PACSIN2: variants seen among roughly 807,000 people sequenced by gnomAD.
The protein encoded by PACSIN2 is protein kinase C and casein kinase substrate in neurons 2, also known as protein kinase C and casein kinase substrate in neurons protein 2.
Under a neutral mutation model 63.8 loss-of-function variants are expected in PACSIN2, and 25 were observed. That is an observed-to-expected ratio of 0.39 (90% CI 0.29 to 0.55). The LOEUF (loss-of-function observed/expected upper bound fraction) is 0.55, where lower values mean the gene tolerates loss of function less well. PACSIN2 is among the 20% of genes least tolerant of loss of function. The probability of loss-of-function intolerance (pLI) is 0.62; values close to 1 mark genes in which losing one functional copy is unlikely to be tolerated. For synonymous variants in PACSIN2, 255 were observed against 256.2 expected (o/e 1.00, Z 0.05); for missense variants, 518 against 646.9 (o/e 0.80, Z 2.16).
chr22:42,915,651 T>C (rs1931759828), intron 1 of PACSIN2, among the ~76,000 whole-genome samples: 1 of 152,222 alleles, frequency 6.6e-6, no homozygotes, highest in Non-Finnish European at 1.5e-5. Context: ...AACTTAGACA[T>C]TCTCCGAGAT....
intron 1 of PACSIN2, among the ~76,000 whole-genome samples, chr22:42,933,977 A>G (rs1318160128): frequency 1.3e-5 from 2 of 152,226 alleles, no homozygotes; most frequent in Admixed American, 1.3e-4. Context: ...ATACTCAAAT[A>G]CCAGTGAAAA....
intron 1 of PACSIN2, among the ~76,000 whole-genome samples, chr22:42,968,202 T>C (rs1340124233): frequency 2.0e-5 from 3 of 152,140 alleles, no homozygotes; most frequent in African/African-American, 4.8e-5. Flanking sequence ...CTGTGGGTGA[T>C]TGCAACGGCT....
chr22:42,950,061 C>T (rs1024097177), intron 1 of PACSIN2, among the ~76,000 whole-genome samples: 1 of 152,138 alleles, frequency 6.6e-6, no homozygotes, highest in African/African-American at 2.4e-5. Flanking sequence ...TGGATTCAAC[C>T]AGTCAGGAAT....
chr22:42,930,747 T>G (rs551564440), intron 1 of PACSIN2, among the ~76,000 whole-genome samples: 40 of 152,300 alleles, frequency 2.6e-4, no homozygotes, highest in South Asian at 1.2e-3. Context: ...ACAGTTCAAG[T>G]TCAAAAGTAA....
chr22:42,914,130 G>C (rs1931654916), intron 1 of PACSIN2, among the ~76,000 whole-genome samples: 1 of 152,248 alleles, frequency 6.6e-6, no homozygotes, highest in Admixed American at 6.5e-5. Context: ...TCCCACACTG[G>C]TTAGGGCTCT....
intron 1 of PACSIN2, among the ~76,000 whole-genome samples, chr22:42,979,291 A>C (rs1470712974): frequency 6.6e-6 from 1 of 152,226 alleles, no homozygotes. Flanking sequence ...TGGGAGGCAG[A>C]GGCAGGTGGA....
chr22:43,010,385 C>CATATATATATATATATAT (rs1253098949), intron 1 of PACSIN2, among the ~76,000 whole-genome samples: 2 of 66,064 alleles, frequency 3.0e-5, no homozygotes, highest in African/African-American at 1.2e-4. Context: ...TTTAAAAATA[C>CATATATATATATATATAT]ATATATATAT....
chr22:42,956,541 T>C (rs73886190), intron 1 of PACSIN2, among the ~76,000 whole-genome samples: 3,895 of 152,278 alleles, frequency 0.026, 164 homozygotes, highest in African/African-American at 0.09. Context: ...GTCTAATTAC[T>C]ATCTCACCAT....
intron 1 of PACSIN2, among the ~76,000 whole-genome samples, chr22:42,944,823 C>T (rs903687085): frequency 2.6e-5 from 4 of 152,280 alleles, no homozygotes; most frequent in East Asian, 3.9e-4. Context: ...TGTAGCTGGG[C>T]GCGGTGGCTC....
intron 7 of PACSIN2, among the ~76,000 whole-genome samples, 169 bp downstream of exon 7, chr22:42,882,015 A>G (rs1228363686): frequency 1.3e-5 from 2 of 152,252 alleles, no homozygotes; most frequent in Non-Finnish European, 2.9e-5. Flanking sequence ...GCAGCCCCCC[A>G]GGACTCTATG....
At chr22:43,007,219 CTT>C (rs532308992) in intron 1 of PACSIN2, among the ~76,000 whole-genome samples, 28 of 137,792 alleles carry the variant, frequency 2.0e-4, no homozygotes, top group African/African-American at 1.1e-4. Context: ...ACCTCTTGTT[CTT>C]TTTTTTTTTT....
chr22:42,897,799 G>C (rs1357296429), intron 2 of PACSIN2, among the ~76,000 whole-genome samples: 12 of 152,214 alleles, frequency 7.9e-5, no homozygotes, highest in Non-Finnish European at 1.5e-5. Context: ...TCAAGGACAG[G>C]TAGGAGGCTG....
At chr22:42,880,074 T>A (rs1292447180) in intron 7 of PACSIN2, among the ~76,000 whole-genome samples, 1 of 152,238 alleles carries the variant, frequency 6.6e-6, no homozygotes, top group Non-Finnish European at 1.5e-5. Flanking sequence ...AGGTGTTTAA[T>A]GAGCTCTCCT....
Position 43,010,492 on chromosome 22 carries a change from G to A in PACSIN2, c.-78+4529C>T, listed in dbSNP as rs762847729. Among the ~76,000 whole-genome samples, 6 of 151,432 alleles carry A rather than the reference G, an allele frequency of 4.0e-5. No homozygotes were observed. The East Asian group carries it at 7.8e-4, about 20-fold the overall frequency. ...TGGGAGGCAGAGGCGGGCAGATCAC[G>A]AAGGTCAGGAGATCAAGACCATCCT... is the stretch of plus-strand genomic sequence containing the variant. On this transcript the variant is annotated intron_variant, in intron 1 of 10. Coordinates refer to ENST00000263246, the MANE Select transcript of PACSIN2 (RefSeq NM_001184970.3).
At chr22:42,916,404 G>C (rs909046368) in intron 1 of PACSIN2, among the ~76,000 whole-genome samples, 1 of 151,018 alleles carries the variant, frequency 6.6e-6, no homozygotes, top group Non-Finnish European at 1.5e-5. Flanking sequence ...ACCTGGGGTG[G>C]GGGTGGGGAT....
chr22:42,981,526 G>A (rs1922131329), intron 1 of PACSIN2, among the ~76,000 whole-genome samples: 1 of 102,266 alleles, frequency 9.8e-6, no homozygotes, highest in Admixed American at 9.8e-5. Context: ...GGAGGTGGGG[G>A]GGTCAGCCCC....
intron 1 of PACSIN2, among the ~76,000 whole-genome samples, chr22:42,921,423 C>G (rs928943511): frequency 4.0e-5 from 6 of 151,210 alleles, no homozygotes; most frequent in Admixed American, 6.6e-5. Flanking sequence ...GTACAGATGA[C>G]TTTCAGGGAA....
At chr22:42,940,733 A>G (rs543905055) in intron 1 of PACSIN2, among the ~76,000 whole-genome samples, 1 of 152,170 alleles carries the variant, frequency 6.6e-6, no homozygotes, top group Non-Finnish European at 1.5e-5. Context: ...GGAAGTCACA[A>G]TTTAGGAGGC....
At chr22:42,897,784 C>A (rs1930391650) in intron 2 of PACSIN2, among the ~76,000 whole-genome samples, 1 of 152,216 alleles carries the variant, frequency 6.6e-6, no homozygotes, top group Non-Finnish European at 1.5e-5. Context: ...ATCCAAAGGG[C>A]ATCTTCAAGG....
Sources: allele counts gnomAD v4.1 joint callset (sites outside exome capture counted in the v4.1 genomes callset), GRCh38; gene constraint gnomAD v4.1.1; transcripts MANE v1.5; gene names NCBI Gene and HGNC (gene_info 2026-07-23, HGNC 2026-07-21).